The following CCSER2 variants were observed in gnomAD, a reference collection of about 807,000 sequenced individuals.
CCSER2 encodes coiled-coil serine rich protein 2.
In CCSER2, 46 loss-of-function variants were observed where a neutral mutation model predicts 92.3. The ratio of observed to expected loss-of-function variants is 0.50; its 90% CI spans 0.39 to 0.64. CCSER2 has a LOEUF of 0.64. Ranked by LOEUF, CCSER2 falls within the 30% of genes least tolerant of loss-of-function variation. The pLI is 0.00. For missense variants in CCSER2, 1,244 were observed against 1,238.9 expected (o/e 1.00, Z -0.06); for synonymous variants, 433 against 431.4 (o/e 1.00, Z -0.04).
chr10:84,510,696 T>C (rs977485761), intron 9 of CCSER2, among the ~76,000 whole-genome samples: 6 of 152,210 alleles, frequency 3.9e-5, no homozygotes, highest in African/African-American at 1.4e-4. Flanking sequence ...GAATGTTTAG[T>C]ATTTGGGGAA....
chr10:84,329,796 C>T (rs920075831), intron 1 of CCSER2, among the ~76,000 whole-genome samples: 4 of 152,120 alleles, frequency 2.6e-5, no homozygotes, highest in East Asian at 1.9e-4. Flanking sequence ...GTAAATATTC[C>T]TGAGTGTTTG....
chr10:84,401,945 G>A (rs1373066531), intron 3 of CCSER2, among the ~76,000 whole-genome samples: 1 of 152,180 alleles, frequency 6.6e-6, no homozygotes, highest in Non-Finnish European at 1.5e-5. Flanking sequence ...CATGACTCCT[G>A]CCTAGCAGAC....
chr10:84,395,413 G>C (rs1036929396), intron 3 of CCSER2, among the ~76,000 whole-genome samples: 1 of 152,080 alleles, frequency 6.6e-6, no homozygotes, highest in Non-Finnish European at 1.5e-5. Flanking sequence ...TTCACTAATT[G>C]AATGAATTTT....
intron 1 of CCSER2, among the ~76,000 whole-genome samples, chr10:84,360,764 G>C (rs1195110148): frequency 6.6e-6 from 1 of 152,218 alleles, no homozygotes; most frequent in Non-Finnish European, 1.5e-5. Context: ...TGATATGTTG[G>C]TTCAGAAACT....
intron 1 of CCSER2, among the ~76,000 whole-genome samples, chr10:84,367,570 G>A (rs780497136): frequency 2.0e-5 from 3 of 151,686 alleles, no homozygotes; most frequent in Non-Finnish European, 4.4e-5. Flanking sequence ...GTAGAGATGA[G>A]GTTTTGCCAT....
chr10:84,376,747 G>A (rs1438020176), intron 3 of CCSER2, among the ~76,000 whole-genome samples: 1 of 152,070 alleles, frequency 6.6e-6, no homozygotes, highest in Non-Finnish European at 1.5e-5. Flanking sequence ...TATGCTGATG[G>A]ATAAAGATGC....
intron 5 of CCSER2, among the ~76,000 whole-genome samples, chr10:84,430,469 C>G (rs1364957577): frequency 1.3e-5 from 2 of 152,172 alleles, no homozygotes; most frequent in African/African-American, 4.8e-5. Flanking sequence ...AAGCAGTGCA[C>G]TAGGGATAAG....
At chr10:84,437,345 C>A (rs1415886872) in intron 5 of CCSER2, among the ~76,000 whole-genome samples, 3 of 152,016 alleles carry the variant, frequency 2.0e-5, no homozygotes, top group Non-Finnish European at 2.9e-5. Context: ...ATGGTGAAAC[C>A]CCCTCTCTAC....
At chr10:84,449,530 T>G (rs7912211) in intron 6 of CCSER2, among the ~76,000 whole-genome samples, 2,270 of 152,242 alleles carry the variant, frequency 0.015, 56 homozygotes, top group African/African-American at 0.051. Context: ...AGGACTGTTG[T>G]GAAGAATGCA....
chr10:84,507,513 G>C (rs561294416), intron 9 of CCSER2, among the ~76,000 whole-genome samples: 1 of 151,926 alleles, frequency 6.6e-6, no homozygotes, highest in Non-Finnish European at 1.5e-5. Flanking sequence ...CAATAAACTT[G>C]TATGTACCCA....
intron 6 of CCSER2, among the ~76,000 whole-genome samples, chr10:84,459,898 A>T (rs1845998312): frequency 6.6e-6 from 1 of 151,758 alleles, no homozygotes; most frequent in Non-Finnish European, 1.5e-5. Context: ...TTAAATCCTG[A>T]TTGGATATTG....
In CCSER2 at chr10:84,514,061, A is replaced by G; in HGVS notation, c.2938A>G (p.Lys980Glu). The change falls in exon 10 of 10, where the codon AAG (lysine) becomes GAG (glutamate). Residue 980 changes from lysine to glutamate, a missense_variant. Coordinates refer to ENST00000372088, the MANE Select transcript of CCSER2 (RefSeq NM_001284240.2). ...LANNQNLKASKLRPPSGSFKQ... is the reference protein window; with the variant it reads ...LANNQNLKASELRPPSGSFKQ... ...AAATAATCAGAATCTGAAAGCATCTAAGCTCCGCCCCCCCTCAGGCTCTTT... is the reference window on the plus strand; with the variant it reads ...AAATAATCAGAATCTGAAAGCATCTGAGCTCCGCCCCCCCTCAGGCTCTTT... 1 of 1,536,450 alleles carries G rather than the reference A, an allele frequency of 6.5e-7. No homozygotes were observed. The highest frequency in any genetic ancestry group is 8.7e-7 in the Non-Finnish European group (1 of 1,146,982).
At chr10:84,394,382 A>AGTGTGTGTGTGT (rs879520976) in intron 3 of CCSER2, among the ~76,000 whole-genome samples, 13 of 91,118 alleles carry the variant, frequency 1.4e-4, no homozygotes, top group Admixed American at 5.8e-4. Flanking sequence ...ACAAAAGGAA[A>AGTGTGTGTGTGT]GTATGTGTGT....
chr10:84,412,618 A>G (rs1842708788), intron 3 of CCSER2, among the ~76,000 whole-genome samples: 1 of 152,128 alleles, frequency 6.6e-6, no homozygotes, highest in Non-Finnish European at 1.5e-5. Flanking sequence ...TTTGAGAGAG[A>G]AAGTGGGACC....
chr10:84,359,677 G>A (rs945310116), intron 1 of CCSER2, among the ~76,000 whole-genome samples: 4 of 151,998 alleles, frequency 2.6e-5, no homozygotes, highest in South Asian at 2.1e-4. Flanking sequence ...TCTCTGAATA[G>A]GGGTATATAA....
At chr10:84,402,593 T>G (rs1842176874) in intron 3 of CCSER2, among the ~76,000 whole-genome samples, 1 of 152,214 alleles carries the variant, frequency 6.6e-6, no homozygotes, top group Admixed American at 6.5e-5. Flanking sequence ...AGACATTTCA[T>G]TTAGCAAAAT....
At chr10:84,488,293 T>A (rs1589796910) in intron 9 of CCSER2, among the ~76,000 whole-genome samples, 1 of 151,998 alleles carries the variant, frequency 6.6e-6, no homozygotes, top group Non-Finnish European at 1.5e-5. Context: ...TTCTATTGAT[T>A]GGAATAGTTT....
rs1849624935 is a variant in CCSER2 at position 84,517,196 on chromosome 10, C to G, written c.*2929C>G. ...ATTTTATGGGGTTTGTTAAGTTTCA[C>G]ATTCGTGAAAGAGGAAATTAGTAGA... is the stretch of plus-strand genomic sequence containing the variant. On this transcript the variant is annotated 3_prime_UTR_variant, in exon 10 of 10. Coordinates refer to ENST00000372088, the MANE Select transcript of CCSER2 (RefSeq NM_001284240.2). The G allele has an allele frequency of 6.6e-6, 1 of 152,256 alleles. No homozygotes were observed. Among genetic ancestry groups the G allele is most frequent in the African/African-American group, 2.4e-5 (1 of 41,438 alleles). The allele number at this position is 152,256 out of a possible 1,614,324, so 9.4% of individuals were successfully genotyped here. A position where few individuals can be genotyped will look rare whatever the true frequency, so the allele number is the denominator to read the frequency against.
At chr10:84,422,214 C>T (rs1843185844) in intron 4 of CCSER2, among the ~76,000 whole-genome samples, 2 of 152,162 alleles carry the variant, frequency 1.3e-5, no homozygotes, top group Non-Finnish European at 2.9e-5. Flanking sequence ...TTTCCAGTTT[C>T]CCTCAGTTCA....
Sources: allele counts gnomAD v4.1 joint callset (sites outside exome capture counted in the v4.1 genomes callset), GRCh38; gene constraint gnomAD v4.1.1; transcripts MANE v1.5; gene names NCBI Gene and HGNC (gene_info 2026-07-23, HGNC 2026-07-21).